The following TPO variants were observed in gnomAD, a reference collection of about 807,000 sequenced individuals.
The protein encoded by TPO is thyroid peroxidase.
In TPO, 78 loss-of-function variants were observed where a neutral mutation model predicts 96.9. The ratio of observed to expected loss-of-function variants is 0.81; its 90% CI spans 0.67 to 0.97. TPO has a LOEUF of 0.97. TPO is among the 50% of genes least tolerant of loss of function. The pLI, the probability that TPO is intolerant of heterozygous loss-of-function variation, is 0.00. For missense variants in TPO, 1,252 were observed against 1,274.8 expected (o/e 0.98, Z 0.27); for synonymous variants, 547 against 538.0 (o/e 1.02, Z -0.23).
At chr2:1,486,520 G>C (rs1181673598) in intron 9 of TPO, among the ~76,000 whole-genome samples, 1 of 152,078 alleles carries the variant, frequency 6.6e-6, no homozygotes, top group Non-Finnish European at 1.5e-5. Context: ...CTGGGCAACA[G>C]AGTGAAACTC....
rs764885513 is a variant in TPO at position 1,414,422 on chromosome 2, C to T, written c.14C>T (p.Ala5Val). The change falls in exon 2 of 17, where the codon GCT becomes GTT. Residue 5 changes from alanine to valine, a missense_variant. Transcript: ENST00000329066. ...GTTAATTTTAGAATGAGAGCGCTCGCTGTGCTGTCTGTCACGCTGGTTATG... is the reference window on the plus strand; with the variant it reads ...GTTAATTTTAGAATGAGAGCGCTCGTTGTGCTGTCTGTCACGCTGGTTATG... MRAL[A>V]VLSVTLVMAC... 7 of 1,613,738 alleles carry T rather than the reference C, an allele frequency of 4.3e-6. No individual in the cohort carries two copies. The highest frequency in any genetic ancestry group is 5.9e-6 in the Non-Finnish European group (7 of 1,179,900).
chr2:1,420,885 A>T (rs1440697853), intron 2 of TPO, among the ~76,000 whole-genome samples: 1 of 152,130 alleles, frequency 6.6e-6, no homozygotes, highest in Non-Finnish European at 1.5e-5. Flanking sequence ...GGTGAGTGAA[A>T]GGCAAGGAAA....
intron 2 of TPO, among the ~76,000 whole-genome samples, chr2:1,416,289 A>G (rs940881336): frequency 6.6e-6 from 1 of 152,216 alleles, no homozygotes; most frequent in Non-Finnish European, 1.5e-5. Context: ...TGTTCAGCCA[A>G]TGGTTTGTAA....
chr2:1,478,327 T>G, intron 8 of TPO: 1 of 985,408 alleles, frequency 1.0e-6, no homozygotes, highest in Non-Finnish European at 1.2e-6. Flanking sequence ...GATATGCGAG[T>G]CACCGTGTGT....
chr2:1,390,034 T>A (rs75737186), intron 1 of TPO, among the ~76,000 whole-genome samples: 5 of 149,352 alleles, frequency 3.3e-5, no homozygotes, highest in African/African-American at 1.3e-4. Context: ...TTTTTTTTTT[T>A]AATACTTTAA....
At chr2:1,512,194 C>T (rs926950924) in intron 14 of TPO, among the ~76,000 whole-genome samples, 8 of 152,222 alleles carry the variant, frequency 5.3e-5, no homozygotes, top group East Asian at 3.9e-4. Flanking sequence ...CCACCACGCC[C>T]GGCTAATTTT....
At chr2:1,379,168 G>T (rs1214097629) in intron 1 of TPO, among the ~76,000 whole-genome samples, 2 of 152,092 alleles carry the variant, frequency 1.3e-5, no homozygotes, top group African/African-American at 4.8e-5. Flanking sequence ...AGCCAGGTGT[G>T]GTGGCGCACG....
chr2:1,473,446 G>A (rs1385747916), intron 7 of TPO, among the ~76,000 whole-genome samples: 4 of 151,900 alleles, frequency 2.6e-5, no homozygotes, highest in Admixed American at 1.3e-4. Flanking sequence ...TGGTCATAGC[G>A]GCCTTATAGT....
chr2:1,485,057 TG>T (rs1671010217), intron 9 of TPO, among the ~76,000 whole-genome samples: 1 of 126,096 alleles, frequency 7.9e-6, no homozygotes, highest in Admixed American at 8.4e-5. Context: ...TCCCTCCCCC[TG>T]ACCCCCACCC....
intron 3 of TPO, among the ~76,000 whole-genome samples, chr2:1,426,070 G>C (rs551488945): frequency 6.8e-6 from 1 of 147,602 alleles, no homozygotes; most frequent in South Asian, 2.2e-4. Flanking sequence ...CATTTTTCTA[G>C]ATGCTGGGAT....
intron 16 of TPO, chr2:1,542,142 C>T (rs920542137): frequency 2.5e-5 from 14 of 561,960 alleles, no homozygotes; most frequent in East Asian, 9.2e-5. Context: ...GTGCTCAGCA[C>T]GGCTTCTTCC....
At chr2:1,419,660 G>A (rs1200024198) in intron 2 of TPO, among the ~76,000 whole-genome samples, 1 of 152,168 alleles carries the variant, frequency 6.6e-6, no homozygotes, top group Non-Finnish European at 1.5e-5. Flanking sequence ...GCCCCAGAGA[G>A]GCCTCCTCAA....
Position 1,456,241 on chromosome 2 carries a change from C to T in TPO, c.778C>T (p.Gln260Ter). Reference protein sequence around the residue: ...KAAFGGGADCQMTCENQNPCF... With the variant: ...KAAFGGGADC Reference sequence around the variant, plus strand: ...TGCCTTCGGGGGAGGGGCTGACTGCCAGATGACTTGTGAGAACCAAAACCC... The same window carrying T: ...TGCCTTCGGGGGAGGGGCTGACTGCTAGATGACTTGTGAGAACCAAAACCC... The change falls in exon 7 of 17, where the codon CAG becomes TAG. Residue 260 changes from glutamine to a stop codon, truncating the protein, a stop_gained. Coordinates refer to ENST00000329066, the MANE Select transcript of TPO (RefSeq NM_001206744.2). LOFTEE classifies it high-confidence loss of function. 6.2e-7 allele frequency: 1 copy of T among 1,614,120 alleles called. No homozygotes were observed. The highest frequency in any genetic ancestry group is 8.5e-7 in the Non-Finnish European group (1 of 1,180,046).
chr2:1,408,770 G>T (rs955308150), upstream of TPO, among the ~76,000 whole-genome samples: 7 of 152,194 alleles, frequency 4.6e-5, no homozygotes, highest in Non-Finnish European at 1.0e-4. Flanking sequence ...GAAGTAGGAA[G>T]GACACGGGGA....
chr2:1,437,473 G>T (rs1177636751), intron 5 of TPO, among the ~76,000 whole-genome samples: 1 of 152,042 alleles, frequency 6.6e-6, no homozygotes, highest in African/African-American at 2.4e-5. Context: ...GGATCAGCGG[G>T]ACCCAGGCAG....
chr2:1,500,897 G>A lies in TPO; in HGVS notation c.2387-3051G>A, dbSNP rs138919098. On this transcript the variant is annotated intron_variant, in intron 13 of 16. Coordinates refer to ENST00000329066, the MANE Select transcript of TPO (RefSeq NM_001206744.2). ...TGAGGCAAGAGAATTGCTTGAACCC[G>A]GGAGATGGAGGTTTCAGTGAGCCGA... is the stretch of plus-strand genomic sequence containing the variant. Among the ~76,000 whole-genome samples, 314 of 151,926 alleles carry A rather than the reference G, an allele frequency of 2.1e-3. 2 individuals carry two copies. The highest frequency in any genetic ancestry group is 7.1e-3 in the African/African-American group (294 of 41,414).
intron 10 of TPO, among the ~76,000 whole-genome samples, chr2:1,488,368 C>T (rs1256198660): frequency 2.6e-5 from 4 of 152,178 alleles, no homozygotes; most frequent in South Asian, 2.1e-4. Context: ...CCACAAGGTC[C>T]CAGAGCCTGC....
chr2:1,415,078 G>A (rs552171433), intron 2 of TPO, among the ~76,000 whole-genome samples: 2 of 152,132 alleles, frequency 1.3e-5, no homozygotes, highest in South Asian at 4.1e-4. Flanking sequence ...CTGGGCCTCT[G>A]CACACAGTCC....
intron 8 of TPO, among the ~76,000 whole-genome samples, chr2:1,480,229 T>C (rs1670411015): frequency 6.6e-6 from 1 of 152,236 alleles, no homozygotes; most frequent in African/African-American, 2.4e-5. Flanking sequence ...TGGTTTTACA[T>C]TTCACTTTTG....
Sources: allele counts gnomAD v4.1 joint callset (sites outside exome capture counted in the v4.1 genomes callset), GRCh38; gene constraint gnomAD v4.1.1; transcripts MANE v1.5; gene names NCBI Gene and HGNC (gene_info 2026-07-23, HGNC 2026-07-21).